The following IL1RAPL2 variants were observed in gnomAD, a reference collection of about 807,000 sequenced individuals.
IL1RAPL2 encodes interleukin 1 receptor accessory protein like 2.
In IL1RAPL2, 3 loss-of-function variants were observed where a neutral mutation model predicts 44.1. The observed-to-expected ratio is 0.07, with a 90% CI of 0.03 to 0.18. The LOEUF is 0.18. Among genes scored for constraint, IL1RAPL2 ranks in the 10% least tolerant of loss-of-function variants. The pLI is 1.00. For missense variants in IL1RAPL2, 391 were observed against 496.4 expected (o/e 0.79, Z 2.02); for synonymous variants, 181 against 178.8 (o/e 1.01, Z -0.10).
Position 105,367,355 on chromosome X carries a change from T to C in IL1RAPL2, c.697+99814T>C, listed in dbSNP as rs183108370. 6.3e-5 allele frequency among the ~76,000 whole-genome samples: 7 copies of C among 111,773 alleles called. No individual in the cohort carries two copies. The East Asian group carries it at 1.7e-3, about 27-fold the overall frequency. ...GTCCTTACCTATCAATAATTACCTA[T>C]TACTATTTACTTACCTATTGGCATT... is the stretch of plus-strand genomic sequence containing the variant. On this transcript the variant is annotated intron_variant, in intron 5 of 10. Transcript: ENST00000372582.
chrX:105,207,781 T>C (rs1170532916), intron 3 of IL1RAPL2, among the ~76,000 whole-genome samples: 4 of 112,093 alleles, frequency 3.6e-5, no homozygotes, highest in Non-Finnish European at 7.5e-5. Flanking sequence ...AGGATCTTTG[T>C]AAAAGTTGTT....
intron 2 of IL1RAPL2, among the ~76,000 whole-genome samples, chrX:105,022,114 T>A (rs1296522065): frequency 1.8e-5 from 2 of 110,919 alleles, no homozygotes; most frequent in Non-Finnish European, 3.8e-5. Context: ...AAAGAAAATA[T>A]AGAATTAGAT....
intron 2 of IL1RAPL2, among the ~76,000 whole-genome samples, chrX:104,901,589 G>A: frequency 9.0e-6 from 1 of 110,545 alleles, no homozygotes. Context: ...GGCTCTATCA[G>A]CACCAGGTAA....
chrX:104,832,535 G>A (rs1334600896), intron 2 of IL1RAPL2, among the ~76,000 whole-genome samples: 1 of 111,453 alleles, frequency 9.0e-6, no homozygotes, highest in East Asian at 2.8e-4. Context: ...AGAATATGAT[G>A]TATAGAATGG....
At chrX:104,661,828 C>T (rs1930407176) in intron 2 of IL1RAPL2, among the ~76,000 whole-genome samples, 1 of 111,742 alleles carries the variant, frequency 8.9e-6, no homozygotes, top group Admixed American at 9.6e-5. Flanking sequence ...ACTAACGGAA[C>T]TCGTAACTTT....
intron 5 of IL1RAPL2, among the ~76,000 whole-genome samples, chrX:105,400,157 A>G (rs192381595): frequency 9.0e-6 from 1 of 111,320 alleles, no homozygotes; most frequent in Non-Finnish European, 1.9e-5. Context: ...AACATATCCT[A>G]CAACATTCTT....
chrX:105,426,364 T>A (rs5962518), intron 5 of IL1RAPL2, among the ~76,000 whole-genome samples: 2,774 of 110,789 alleles, frequency 0.025, 88 homozygotes, highest in African/African-American at 0.085. Flanking sequence ...CCTCAGGGTG[T>A]GATACATGAG....
Position 105,220,522 on chromosome X carries a change from G to A in IL1RAPL2, c.357-13296G>A, listed in dbSNP as rs782457588. ...CCGCCCTCTTGTCCCCGCCCTACCC[G>A]CTCTGACAAGACCGTCCTAATGACC... On this transcript the variant is annotated intron_variant, in intron 3 of 10. Transcript: ENST00000372582. 106 of 634,897 alleles carry A rather than the reference G, an allele frequency of 1.7e-4. 1 individual carries two copies. The highest frequency in any genetic ancestry group is 2.1e-4 in the Non-Finnish European group (96 of 446,995). 52.3% of individuals were successfully genotyped at this position (634,897 alleles called of 1,213,427 possible).
chrX:105,249,400 A>T (rs1015343330), intron 4 of IL1RAPL2, among the ~76,000 whole-genome samples: 1 of 111,479 alleles, frequency 9.0e-6, no homozygotes, highest in African/African-American at 3.2e-5. Flanking sequence ...ACAAAAAAAT[A>T]GTTAGGAAAA....
chrX:105,162,643 G>A (rs970980836), intron 2 of IL1RAPL2, among the ~76,000 whole-genome samples: 4 of 112,152 alleles, frequency 3.6e-5, no homozygotes, highest in Non-Finnish European at 5.6e-5. Context: ...ACGCACTTAC[G>A]TACACATACT....
intron 5 of IL1RAPL2, chrX:105,407,031 A>C: frequency 1.1e-6 from 1 of 920,912 alleles, no homozygotes. Context: ...TACACATGTC[A>C]CAAAGTGTCA....
chrX:104,897,800 G>T (rs1348338053), intron 2 of IL1RAPL2, among the ~76,000 whole-genome samples: 1 of 111,973 alleles, frequency 8.9e-6, no homozygotes, highest in Non-Finnish European at 1.9e-5. Flanking sequence ...CTCCAAAAGT[G>T]CCATGGACAT....
At chrX:105,238,038 C>G (rs1556203757) in intron 4 of IL1RAPL2, among the ~76,000 whole-genome samples, 3 of 112,250 alleles carry the variant, frequency 2.7e-5, no homozygotes, top group African/African-American at 9.7e-5. Flanking sequence ...CCAGAGTAAG[C>G]TCAGAGACTC....
At chrX:105,654,801 A>G (rs897072144) in intron 6 of IL1RAPL2, among the ~76,000 whole-genome samples, 6 of 111,709 alleles carry the variant, frequency 5.4e-5, no homozygotes, top group Admixed American at 2.9e-4. Context: ...AGAACACACC[A>G]CTATGGCTTT....
At chrX:105,350,639 G>T (rs568638575) in intron 5 of IL1RAPL2, among the ~76,000 whole-genome samples, 1 of 111,645 alleles carries the variant, frequency 9.0e-6, no homozygotes, top group Non-Finnish European at 1.9e-5. Context: ...CAGGAGAATC[G>T]CTTGAACCCA....
At chrX:104,892,215 T>C (rs1403190337) in intron 2 of IL1RAPL2, among the ~76,000 whole-genome samples, 1 of 111,803 alleles carries the variant, frequency 8.9e-6, no homozygotes, top group Non-Finnish European at 1.9e-5. Flanking sequence ...TATTGAGGAT[T>C]TTTGCATCAA....
At chrX:105,599,011 T>C (rs1424113932) in intron 6 of IL1RAPL2, among the ~76,000 whole-genome samples, 1 of 112,164 alleles carries the variant, frequency 8.9e-6, no homozygotes, top group Non-Finnish European at 1.9e-5. Context: ...TAAGCAATCA[T>C]TGATTTACCT....
chrX:105,288,818 A>T (rs2147667615), intron 5 of IL1RAPL2, among the ~76,000 whole-genome samples: 1 of 111,096 alleles, frequency 9.0e-6, no homozygotes, highest in African/African-American at 3.3e-5. Flanking sequence ...TGTCGTGAGC[A>T]CATATTAGGG....
intron 1 of IL1RAPL2, among the ~76,000 whole-genome samples, chrX:104,655,844 T>A (rs932033868): frequency 9.0e-6 from 1 of 111,594 alleles, no homozygotes; most frequent in Admixed American, 9.5e-5. Context: ...TTGCCTCAAT[T>A]TCAGAGCCTG....
Sources: gnomAD v4.1 joint callset for allele counts (sites outside exome capture counted in the v4.1 genomes callset) on GRCh38, gnomAD v4.1.1 for gene constraint, MANE v1.5 for transcripts, NCBI Gene and HGNC (gene_info 2026-07-23, HGNC 2026-07-21) for gene names.